The following PAPPA2 variants were observed in gnomAD, a reference collection of about 807,000 sequenced individuals.
The protein encoded by PAPPA2 is pappalysin-2.
A neutral mutation model predicts 176.4 loss-of-function variants in PAPPA2; 86 were observed. The observed-to-expected ratio is 0.49, with a 90% CI of 0.41 to 0.58. PAPPA2 has a LOEUF of 0.58. Among genes scored for constraint, PAPPA2 ranks in the 20% least tolerant of loss-of-function variants. The pLI, the probability that PAPPA2 is intolerant of heterozygous loss-of-function variation, is 0.00. For synonymous variants in PAPPA2, 809 were observed against 852.2 expected, an observed-to-expected ratio of 0.95 and a Z score of 0.88; for missense variants, 2,073 against 2,256.9, an observed-to-expected ratio of 0.92 and a Z score of 1.65.
intron 12 of PAPPA2, among the ~76,000 whole-genome samples, chr1:176,722,461 C>CCTGGCT (rs1661671533): frequency 6.8e-6 from 1 of 146,378 alleles, no homozygotes; most frequent in Non-Finnish European, 1.5e-5. Context: ...TCTTCTAAGG[C>CCTGGCT]CTGGCTCTTC....
At chr1:176,789,409 G>T (rs1241728747) in intron 17 of PAPPA2, among the ~76,000 whole-genome samples, 1 of 151,976 alleles carries the variant, frequency 6.6e-6, no homozygotes, top group African/African-American at 2.4e-5. Flanking sequence ...TTGTGGGGTG[G>T]GGGGAGTGGG....
intron 14 of PAPPA2, among the ~76,000 whole-genome samples, chr1:176,755,771 A>G (rs548397426): frequency 2.0e-5 from 3 of 152,276 alleles, no homozygotes; most frequent in South Asian, 2.1e-4. Flanking sequence ...AAATTTGCCT[A>G]TAATTTTTGA....
At chr1:176,585,782 G>A (rs1373972055) in intron 2 of PAPPA2, among the ~76,000 whole-genome samples, 1 of 151,886 alleles carries the variant, frequency 6.6e-6, no homozygotes, top group Non-Finnish European at 1.5e-5. Context: ...GTTCTTGATT[G>A]TACTTTCTAT....
chr1:176,780,213 T>C (rs1005222794), intron 17 of PAPPA2, among the ~76,000 whole-genome samples: 2 of 152,192 alleles, frequency 1.3e-5, no homozygotes, highest in African/African-American at 4.8e-5. Flanking sequence ...GCACTTTCAA[T>C]CACGCCTGTC....
intron 12 of PAPPA2, among the ~76,000 whole-genome samples, chr1:176,720,519 C>T (rs1661571297): frequency 6.6e-6 from 1 of 151,854 alleles, no homozygotes; most frequent in South Asian, 2.1e-4. Flanking sequence ...GTTCTATATG[C>T]TCTTTATTTG....
Position 176,557,149 on chromosome 1 carries a change from C to G in PAPPA2, c.827C>G (p.Pro276Arg). Residue 276 changes from proline to arginine, a missense_variant, in exon 2 of 23, where the codon CCA becomes CGA. Pro to Arg is a moderately radical substitution (Grantham distance 103). Around this residue, in one of 4 missense-constraint regions of PAPPA2, gnomAD observed 1,196 missense variants for 1,330.4 expected, o/e 0.90. Transcript: ENST00000367662. The part of the protein sequence containing the change: ...SGRRERLLLR[P>R]EVLAEIPREA... ...AGGCGGGAGCGGCTGCTGCTGCGTCCAGAAGTGCTGGCTGAGATTCCCCGG... is the reference window on the plus strand; with the variant it reads ...AGGCGGGAGCGGCTGCTGCTGCGTCGAGAAGTGCTGGCTGAGATTCCCCGG... The G allele has an allele frequency of 1.2e-6, 2 of 1,613,836 alleles. No homozygotes were observed. The highest frequency in any genetic ancestry group is 1.7e-6 in the Non-Finnish European group (2 of 1,179,998).
At chr1:176,511,868 A>G (rs897963822) in intron 1 of PAPPA2, among the ~76,000 whole-genome samples, 1 of 152,106 alleles carries the variant, frequency 6.6e-6, no homozygotes, top group African/African-American at 2.4e-5. Flanking sequence ...TCAGACTGAA[A>G]CTTACACTAT....
At chr1:176,585,717 ATCTATCT>A (rs1653264553) in intron 2 of PAPPA2, among the ~76,000 whole-genome samples, 1 of 151,982 alleles carries the variant, frequency 6.6e-6, no homozygotes, top group Non-Finnish European at 1.5e-5. Flanking sequence ...ATTCCAAAAG[ATCTATCT>A]TCAAGTCCAT....
chr1:176,800,168 G>T (rs1351578363), intron 21 of PAPPA2, 36 bp downstream of exon 21: 2 of 1,602,182 alleles, frequency 1.2e-6, no homozygotes. Flanking sequence ...TCAGACTAGA[G>T]AACTCAGGTG....
At chr1:176,609,145 A>G (rs1654772538) in intron 3 of PAPPA2, among the ~76,000 whole-genome samples, 1 of 152,228 alleles carries the variant, frequency 6.6e-6, no homozygotes, top group Admixed American at 6.5e-5. Context: ...TTATTTTTGC[A>G]CAGTGAAAAG....
At chr1:176,467,594 A>G (rs186334399) in intron 1 of PAPPA2, among the ~76,000 whole-genome samples, 2 of 152,332 alleles carry the variant, frequency 1.3e-5, no homozygotes, top group East Asian at 3.9e-4. Flanking sequence ...TGCCTCATTT[A>G]TTCAGTTGAC....
chr1:176,627,028 G>C (rs1656067696), intron 3 of PAPPA2, among the ~76,000 whole-genome samples: 1 of 149,974 alleles, frequency 6.7e-6, no homozygotes, highest in South Asian at 2.1e-4. Context: ...GGCTTGTTTT[G>C]CCTTTTGTAT....
chr1:176,588,293 G>A (rs1208430982), intron 2 of PAPPA2, among the ~76,000 whole-genome samples: 1 of 152,228 alleles, frequency 6.6e-6, no homozygotes, highest in African/African-American at 2.4e-5. Context: ...TTGCTTATCA[G>A]TTCAAGAAGT....
chr1:176,770,939 A>T (rs1468262266), intron 16 of PAPPA2, 28 bp from the exon 17 acceptor site: 2 of 1,601,950 alleles, frequency 1.2e-6, no homozygotes, highest in African/African-American at 2.7e-5. Context: ...TGTTCTGAGC[A>T]TCTTGTGCTT....
In PAPPA2 at chr1:176,528,776, C is replaced by G. The variant is rs568108449; in HGVS notation, c.-916-26631C>G. The stretch of plus-strand genomic sequence containing the variant: ...ACAGTCCATGATTTCTTCCACATAC[C>G]TTTTCCTTCTCCAAGCAAGGCTACT... On this transcript the variant is annotated intron_variant, in intron 1 of 22. Coordinates refer to ENST00000367662, the MANE Select transcript of PAPPA2 (RefSeq NM_020318.3). Among the ~76,000 whole-genome samples the G allele has an allele frequency of 5.3e-5, 8 of 152,262 alleles. No homozygotes were observed. In the South Asian group the frequency reaches 1.4e-3, roughly 28 times the overall value.
At chr1:176,529,457 C>T (rs570774020) in intron 1 of PAPPA2, among the ~76,000 whole-genome samples, 20 of 55,818 alleles carry the variant, frequency 3.6e-4, no homozygotes, top group African/African-American at 1.5e-3. Flanking sequence ...TCCTGGCTGC[C>T]GATTTCACCG....
chr1:176,615,520 G>A (rs1655155869), intron 3 of PAPPA2, among the ~76,000 whole-genome samples: 1 of 151,982 alleles, frequency 6.6e-6, no homozygotes, highest in African/African-American at 2.4e-5. Context: ...GTAGGGACGG[G>A]GTTTCACTGT....
At chr1:176,581,764 T>A (rs1160224005) in intron 2 of PAPPA2, among the ~76,000 whole-genome samples, 3 of 152,090 alleles carry the variant, frequency 2.0e-5, no homozygotes, top group Non-Finnish European at 4.4e-5. Flanking sequence ...GATTGATCGC[T>A]GTTAGCATAT....
chr1:176,585,191 A>G lies in PAPPA2; in HGVS notation c.920-9333A>G, dbSNP rs187220972. On this transcript the variant is annotated intron_variant, in intron 2 of 22. Transcript: ENST00000367662. ...CTAATCTAGTGGTGATGAATTCCCC[A>G]GGTTTCTGGTTATCTGAGAAAAACT... Among the ~76,000 whole-genome samples the G allele has an allele frequency of 4.6e-5, 7 of 152,240 alleles. No individual in the cohort carries two copies. The East Asian group carries it at 1.3e-3, about 29-fold the overall frequency.
Sources: gnomAD v4.1 joint callset for allele counts (sites outside exome capture counted in the v4.1 genomes callset) on GRCh38, gnomAD v4.1.1 for gene constraint, gnomAD v4.1.1 regional missense constraint, MANE v1.5 for transcripts, NCBI Gene and HGNC (gene_info 2026-07-23, HGNC 2026-07-21) for gene names.